IRAG1: variants seen among roughly 807,000 people sequenced by gnomAD.
IRAG1 encodes the protein IP3R-associated cGMP kinase substrate.
IRAG1 carries 62 observed loss-of-function variants against 106.2 expected under a neutral mutation model. The ratio of observed to expected loss-of-function variants is 0.58; its 90% CI spans 0.48 to 0.72. The LOEUF (loss-of-function observed/expected upper bound fraction) is 0.72, where lower values mean the gene tolerates loss of function less well. Ranked by LOEUF, IRAG1 falls within the 30% of genes least tolerant of loss-of-function variation. IRAG1 has a pLI of 0.00. For missense variants in IRAG1, 1,064 were observed against 1,140.7 expected, an observed-to-expected ratio of 0.93 and a Z score of 0.97; for synonymous variants, 462 against 443.9, an observed-to-expected ratio of 1.04 and a Z score of -0.51.
Position 10,628,616 on chromosome 11 carries a change from G to T in IRAG1, c.652+135C>A. The T allele has an allele frequency of 1.4e-6, 1 of 727,618 alleles. No homozygotes were observed. The highest frequency in any genetic ancestry group is 2.2e-5 in the South Asian group (1 of 45,626). 45.1% of individuals were successfully genotyped at this position (727,618 alleles called of 1,614,324 possible). ...AATGCCCCCCCTGGAGAGGGGTCTT[G>T]CTCTGGGTGTGAAGGGGCCATCAGA... On this transcript the variant is annotated intron_variant, in intron 6 of 20. Coordinates refer to ENST00000423302, the MANE Select transcript of IRAG1 (RefSeq NM_130385.4). The surrounding 1 kb of genome is among the most constrained non-coding windows in gnomAD (Gnocchi z 4.1).
At chr11:10,588,460 C>T (rs938249671) in intron 18 of IRAG1, among the ~76,000 whole-genome samples, 7 of 152,200 alleles carry the variant, frequency 4.6e-5, no homozygotes, top group South Asian at 2.1e-4. Context: ...AGCCATCCTC[C>T]CACCTCAGCC....
Position 10,589,932 on chromosome 11 carries a change from T to G in IRAG1, c.2240+1616A>C, listed in dbSNP as rs1852451256. Among the ~76,000 whole-genome samples the G allele has an allele frequency of 2.6e-5, 4 of 152,212 alleles. No homozygotes were observed. In the South Asian group the frequency reaches 8.3e-4, roughly 31 times the overall value. ...ACTGCCTTGGACAGAAGTGCTCAAC[T>G]GGCCTGGCATAAGTTCTACAGAGTT... is the stretch of plus-strand genomic sequence containing the variant. On this transcript the variant is annotated intron_variant, in intron 18 of 20. Transcript: ENST00000423302.
At chr11:10,590,162 C>T (rs981152894) in intron 18 of IRAG1, among the ~76,000 whole-genome samples, 1 of 152,106 alleles carries the variant, frequency 6.6e-6, no homozygotes, top group Admixed American at 6.5e-5. Context: ...GATTCAGAGA[C>T]CCTGGATGAG....
At chr11:10,667,185 T>TG (rs1371417155) in intron 1 of IRAG1, among the ~76,000 whole-genome samples, 1 of 151,676 alleles carries the variant, frequency 6.6e-6, no homozygotes, top group Non-Finnish European at 1.5e-5. Flanking sequence ...GGAGTCACCC[T>TG]GGATCCCAGA....
intron 15 of IRAG1, chr11:10,595,647 T>C (rs1227673677): frequency 6.6e-6 from 1 of 152,268 alleles, no homozygotes; most frequent in Admixed American, 6.5e-5. Flanking sequence ...CGTTTACAAA[T>C]GTCTTTGTTG....
At chr11:10,593,766 T>C in intron 16 of IRAG1, 167 bp from the exon 17 acceptor site, 1 of 601,460 alleles carries the variant, frequency 1.7e-6, no homozygotes, top group Middle Eastern at 4.3e-4. Flanking sequence ...GTGGCCAAAG[T>C]TGACCCAAAT....
At chr11:10,633,744 C>A (rs772550855) in intron 3 of IRAG1, among the ~76,000 whole-genome samples, 1 of 152,108 alleles carries the variant, frequency 6.6e-6, no homozygotes, top group East Asian at 1.9e-4. Flanking sequence ...CTGGAGCCGT[C>A]GCAGAGCCAA....
intron 1 of IRAG1, among the ~76,000 whole-genome samples, chr11:10,679,428 TC>T (rs1355686148): frequency 1.3e-5 from 2 of 151,980 alleles, no homozygotes; most frequent in African/African-American, 4.8e-5. Flanking sequence ...ACTCACTCAA[TC>T]CCCCAACTGC....
intron 18 of IRAG1, among the ~76,000 whole-genome samples, chr11:10,588,165 A>T (rs1183934283): frequency 6.6e-6 from 1 of 152,174 alleles, no homozygotes; most frequent in Non-Finnish European, 1.5e-5. Flanking sequence ...CATTGTCATC[A>T]GTGCTGTAAA....
In IRAG1 at chr11:10,578,243, A is replaced by G. The variant is rs1013744487; in HGVS notation, c.2496-1668T>C. The stretch of plus-strand genomic sequence containing the variant: ...CTTCTGTTTCCTGAGAGTTATTGGA[A>G]AAGTAAAGGAACCTAAATGTCCTCT... On this transcript the variant is annotated intron_variant, in intron 20 of 20. Coordinates refer to ENST00000423302, the MANE Select transcript of IRAG1 (RefSeq NM_130385.4). Among the ~76,000 whole-genome samples, 28 of 152,368 alleles carry G rather than the reference A, an allele frequency of 1.8e-4. No individual in the cohort carries two copies. In the South Asian group the frequency reaches 2.1e-3, roughly 11 times the overall value.
At chr11:10,666,769 G>A (rs1426210146) in intron 1 of IRAG1, among the ~76,000 whole-genome samples, 1 of 152,242 alleles carries the variant, frequency 6.6e-6, no homozygotes, top group African/African-American at 2.4e-5. Context: ...GGACTGCCTG[G>A]AGATGCCTCA....
chr11:10,674,381 A>G (rs1860483200), intron 1 of IRAG1, among the ~76,000 whole-genome samples: 1 of 152,228 alleles, frequency 6.6e-6, no homozygotes. Flanking sequence ...ACGGGTTTTT[A>G]CAAGTATGGG....
At chr11:10,589,898 A>G (rs1441433832) in intron 18 of IRAG1, among the ~76,000 whole-genome samples, 2 of 152,154 alleles carry the variant, frequency 1.3e-5, no homozygotes, top group Non-Finnish European at 2.9e-5. Flanking sequence ...TCATGTTTTC[A>G]TGATCCCCAC....
At chr11:10,609,203 C>A (rs1854734006) in intron 11 of IRAG1, among the ~76,000 whole-genome samples, 2 of 152,332 alleles carry the variant, frequency 1.3e-5, no homozygotes, top group Middle Eastern at 6.8e-3. Context: ...ATGCCCCACT[C>A]TCATGTCATT....
chr11:10,594,801 G>A (rs1356887424), intron 15 of IRAG1, among the ~76,000 whole-genome samples: 6 of 152,154 alleles, frequency 3.9e-5, no homozygotes, highest in African/African-American at 1.4e-4. Context: ...AAAGGTATTT[G>A]CTAGTTCAAT....
intron 10 of IRAG1, among the ~76,000 whole-genome samples, chr11:10,622,579 A>T (rs1157952457): frequency 6.6e-6 from 1 of 152,192 alleles, no homozygotes; most frequent in South Asian, 2.1e-4. Flanking sequence ...ATCACAGTTC[A>T]CTGCAGCCTT....
rs56768282 is a variant in IRAG1 at position 10,584,548 on chromosome 11, A to AATATATATATATATATATATAT, written c.2241-2584_2241-2563dup. 7.9e-4 allele frequency among the ~76,000 whole-genome samples: 78 copies of AATATATATATATATATATATAT among 98,570 alleles called. 2 individuals carry two copies. The highest frequency in any genetic ancestry group is 1.3e-3 in the Non-Finnish European group (63 of 46,686). 64.7% of individuals were successfully genotyped at this position (98,570 alleles called of 152,430 possible). The stretch of plus-strand genomic sequence containing the variant: ...GGCAGGGAAAGTAATTCTTTCATGA[A>AATATATATATATATATATATAT]ATATATATATATATATATATATATA... On this transcript the variant is annotated intron_variant, in intron 18 of 20. Coordinates refer to ENST00000423302, the MANE Select transcript of IRAG1 (RefSeq NM_130385.4).
rs181288991 is a variant in IRAG1, at chr11:10,581,488, G to C, written c.2360+379C>G. ...GGAGTGACCAAAGCAGTTCTAGGGA[G>C]CAGAGCTGCAGCTGCTCCTGGGCAC... is the stretch of plus-strand genomic sequence containing the variant. On this transcript the variant is annotated intron_variant, in intron 19 of 20. Coordinates refer to ENST00000423302, the MANE Select transcript of IRAG1 (RefSeq NM_130385.4). 2.6e-5 allele frequency among the ~76,000 whole-genome samples: 4 copies of C among 152,206 alleles called. No individual in the cohort carries two copies. In the East Asian group the frequency reaches 7.7e-4, roughly 29 times the overall value.
chr11:10,613,532 G>C (rs529645645), intron 10 of IRAG1, among the ~76,000 whole-genome samples: 233 of 152,270 alleles, frequency 1.5e-3, no homozygotes, highest in African/African-American at 5.4e-3. Context: ...AGCTAAACAA[G>C]ACATAAATCG....
Sources: gnomAD v4.1 joint callset for allele counts (sites outside exome capture counted in the v4.1 genomes callset) on GRCh38, gnomAD v4.1.1 for gene constraint, Gnocchi (gnomAD v3.1) non-coding constraint, MANE v1.5 for transcripts, NCBI Gene and HGNC (gene_info 2026-07-23, HGNC 2026-07-21) for gene names.